Variants in PLAC1 observed in about 807,000 individuals in gnomAD.
PLAC1 encodes placenta-specific protein 1.
For missense variants in PLAC1, 136 were observed against 163.2 expected, an observed-to-expected ratio of 0.83 and a Z score of 0.91; for synonymous variants, 68 against 62.1, an observed-to-expected ratio of 1.09 and a Z score of -0.44.
At chrX:134,734,365 G>A (rs1055211689) in intron 1 of PLAC1, among the ~76,000 whole-genome samples, 1 of 107,715 alleles carries the variant, frequency 9.3e-6, no homozygotes. Flanking sequence ...GCATGGGGCC[G>A]GGGGGCTCCC....
At chrX:134,716,885 G>A (rs1344803793) in intron 2 of PLAC1, among the ~76,000 whole-genome samples, 1 of 112,532 alleles carries the variant, frequency 8.9e-6, no homozygotes, top group Non-Finnish European at 1.9e-5. Flanking sequence ...TTGGTTCCTT[G>A]TCTGTAAAAT....
chrX:134,601,846 G>T (rs2078090822), intron 2 of PLAC1: 1 of 111,893 alleles, frequency 8.9e-6, no homozygotes, highest in Non-Finnish European at 1.9e-5. Flanking sequence ...AACAATAGAG[G>T]TTCCATTGTG....
intron 1 of PLAC1, among the ~76,000 whole-genome samples, chrX:134,756,366 C>T (rs1276169377): frequency 2.8e-5 from 3 of 108,029 alleles, no homozygotes; most frequent in African/African-American, 6.7e-5. Context: ...TTTGGACCAC[C>T]TGGTACCTAT....
intron 1 of PLAC1, among the ~76,000 whole-genome samples, chrX:134,647,018 G>A (rs1489116042): frequency 8.9e-6 from 1 of 112,258 alleles, no homozygotes; most frequent in African/African-American, 3.2e-5. Context: ...GAAGCTTTCA[G>A]ATAGTGAGCC....
At chrX:134,629,664 T>C (rs1423753486) in intron 1 of PLAC1, among the ~76,000 whole-genome samples, 1 of 111,961 alleles carries the variant, frequency 8.9e-6, no homozygotes, top group Non-Finnish European at 1.9e-5. Context: ...GTACATGTGG[T>C]TGGGACATGA....
intron 2 of PLAC1, among the ~76,000 whole-genome samples, chrX:134,582,684 G>T (rs2077980430): frequency 9.0e-6 from 1 of 111,603 alleles, no homozygotes; most frequent in Non-Finnish European, 1.9e-5. Context: ...CTGTCTAATT[G>T]GATATTGGAG....
intron 2 of PLAC1, among the ~76,000 whole-genome samples, chrX:134,668,123 G>A (rs766591108): frequency 7.1e-5 from 8 of 111,987 alleles, no homozygotes; most frequent in South Asian, 3.7e-4. Context: ...TAAACAAAAT[G>A]TGGTATAGTC....
intron 2 of PLAC1, among the ~76,000 whole-genome samples, chrX:134,714,382 G>T (rs2078637303): frequency 9.2e-6 from 1 of 108,556 alleles, no homozygotes; most frequent in South Asian, 4.1e-4. Context: ...CCTTCTCATA[G>T]CGGAGTAGAA....
chrX:134,612,883 C>T (rs1037681524), intron 1 of PLAC1, among the ~76,000 whole-genome samples: 1 of 110,938 alleles, frequency 9.0e-6, no homozygotes, highest in Admixed American at 9.6e-5. Context: ...CCAGGGGGTC[C>T]TATTATCCCA....
At chrX:134,689,392 A>G (rs2078528936) in intron 2 of PLAC1, among the ~76,000 whole-genome samples, 1 of 111,951 alleles carries the variant, frequency 8.9e-6, no homozygotes, top group African/African-American at 3.3e-5. Context: ...CATACAAACC[A>G]GAAACCAAAT....
chrX:134,635,155 T>A (rs182273247), intron 1 of PLAC1, among the ~76,000 whole-genome samples: 6 of 111,688 alleles, frequency 5.4e-5, no homozygotes, highest in Non-Finnish European at 1.1e-4. Context: ...TTTTTACACT[T>A]GCTTATAAAA....
intron 2 of PLAC1, among the ~76,000 whole-genome samples, chrX:134,567,610 T>C (rs1194827381): frequency 9.2e-6 from 1 of 109,124 alleles, no homozygotes; most frequent in African/African-American, 3.3e-5. Flanking sequence ...TACAAAAAAC[T>C]AGCTGAGTGT....
At chrX:134,606,699 C>T (rs920038525) in intron 1 of PLAC1, among the ~76,000 whole-genome samples, 30 of 112,105 alleles carry the variant, frequency 2.7e-4, no homozygotes, top group Admixed American at 1.3e-3. Flanking sequence ...CCAGGAGTCC[C>T]ACTACTGGGT....
At chrX:134,678,421 C>A (rs2078482599) in intron 2 of PLAC1, among the ~76,000 whole-genome samples, 1 of 111,322 alleles carries the variant, frequency 9.0e-6, no homozygotes, top group Non-Finnish European at 1.9e-5. Context: ...TTTCCCTGAC[C>A]TTCCCATGTC....
chrX:134,702,516 T>C (rs1430798109), intron 2 of PLAC1, among the ~76,000 whole-genome samples: 1 of 112,088 alleles, frequency 8.9e-6, no homozygotes, highest in Non-Finnish European at 1.9e-5. Flanking sequence ...AAAAACCGCA[T>C]GTTCTCACTT....
chrX:134,640,971 C>T (rs915910608), intron 1 of PLAC1, among the ~76,000 whole-genome samples: 1 of 111,567 alleles, frequency 9.0e-6, no homozygotes, highest in African/African-American at 3.3e-5. Context: ...AATTAGCTGT[C>T]GATGGTGGCA....
chrX:134,750,261 G>A (rs1051452133), intron 1 of PLAC1, among the ~76,000 whole-genome samples: 4 of 111,228 alleles, frequency 3.6e-5, no homozygotes, highest in African/African-American at 1.3e-4. Context: ...TTTGGCCCAT[G>A]TTGAGCCTCT....
intron 1 of PLAC1, among the ~76,000 whole-genome samples, chrX:134,741,705 A>G (rs1450449386): frequency 2.7e-4 from 26 of 95,384 alleles, no homozygotes; most frequent in African/African-American, 1.4e-3. Flanking sequence ...TGTCTTGGAA[A>G]AAAAAAAAAA....
intron 1 of PLAC1, among the ~76,000 whole-genome samples, chrX:134,740,724 A>G (rs1460924977): frequency 1.8e-5 from 2 of 112,033 alleles, no homozygotes; most frequent in East Asian, 5.6e-4. Context: ...AAGTATCATT[A>G]TAAGAGATGG....
Sources: gnomAD v4.1 joint callset for allele counts (sites outside exome capture counted in the v4.1 genomes callset) on GRCh38, gnomAD v4.1.1 for gene constraint, MANE v1.5 for transcripts, NCBI Gene and HGNC (gene_info 2026-07-23, HGNC 2026-07-21) for gene names.